Variants in DNAH9 observed in about 807,000 individuals in gnomAD.
The protein encoded by DNAH9 is DNAH9 variant protein.
DNAH9 carries 345 observed loss-of-function variants against 471.6 expected under a neutral mutation model. The observed-to-expected ratio is 0.73, with a 90% confidence interval of 0.67 to 0.80. The LOEUF (loss-of-function observed/expected upper bound fraction) is 0.80. Ranked by LOEUF, DNAH9 falls within the 30% of genes least tolerant of loss-of-function variation. DNAH9 has a pLI of 0.00. For missense variants in DNAH9, 5,407 were observed against 5,609.2 expected, an observed-to-expected ratio of 0.96 and a Z score of 1.15; for synonymous variants, 2,093 against 2,123.6, an observed-to-expected ratio of 0.99 and a Z score of 0.40.
rs565287502 is a variant in DNAH9, at chr17:11,648,084, A to G, written c.2097+886A>G. Among the ~76,000 whole-genome samples, 15 of 152,334 alleles carry G rather than the reference A, an allele frequency of 9.8e-5. 1 individual carries two copies. The South Asian group carries it at 3.1e-3, about 32-fold the overall frequency. On this transcript the variant is annotated intron_variant, in intron 12 of 68. Transcript: ENST00000262442. ...TTAATGCTGGAGAAAAATGATAACT[A>G]AAGGTTAGTTGGTTTCAAAAATAAT...
chr17:11,924,533 C>A (rs976427656), intron 62 of DNAH9, among the ~76,000 whole-genome samples: 10 of 151,824 alleles, frequency 6.6e-5, no homozygotes, highest in Non-Finnish European at 1.2e-4. Context: ...CTCTATTAAC[C>A]CCTATTAAAT....
intron 43 of DNAH9, among the ~76,000 whole-genome samples, chr17:11,806,159 A>T (rs997739481): frequency 6.6e-6 from 1 of 152,216 alleles, no homozygotes; most frequent in Non-Finnish European, 1.5e-5. Context: ...GACTTAACAC[A>T]TCCTAATTCA....
At chr17:11,904,516 C>A (rs1032418424) in intron 60 of DNAH9, among the ~76,000 whole-genome samples, 4 of 151,598 alleles carry the variant, frequency 2.6e-5, no homozygotes, top group African/African-American at 9.7e-5. Context: ...GTAGTCCCAG[C>A]TACTCAGGAG....
At chr17:11,909,508 C>A (rs1973718919) in intron 61 of DNAH9, among the ~76,000 whole-genome samples, 1 of 152,202 alleles carries the variant, frequency 6.6e-6, no homozygotes, top group African/African-American at 2.4e-5. Flanking sequence ...AAGACCCTGG[C>A]CTACGATTTC....
chr17:11,919,366 G>A (rs1382728561), intron 61 of DNAH9, among the ~76,000 whole-genome samples: 1 of 151,806 alleles, frequency 6.6e-6, no homozygotes, highest in African/African-American at 2.4e-5. Flanking sequence ...GTGGTGGCGG[G>A]CGCCTGTAGT....
chr17:11,769,533 T>C (rs1968114527), intron 38 of DNAH9, among the ~76,000 whole-genome samples: 1 of 152,188 alleles, frequency 6.6e-6, no homozygotes, highest in Non-Finnish European at 1.5e-5. Context: ...GCTTCTGGTC[T>C]TTCTTTCTAC....
At chr17:11,872,259 C>T (rs1374615073) in intron 52 of DNAH9, among the ~76,000 whole-genome samples, 1 of 152,104 alleles carries the variant, frequency 6.6e-6, no homozygotes, top group Non-Finnish European at 1.5e-5. Context: ...TTCCGTCCTG[C>T]ATAATCCCAT....
intron 64 of DNAH9, among the ~76,000 whole-genome samples, chr17:11,933,467 G>A (rs1478553691): frequency 3.3e-5 from 5 of 151,328 alleles, no homozygotes; most frequent in African/African-American, 9.7e-5. Flanking sequence ...CACAACCTCC[G>A]CCTCCCGGGT....
chr17:11,788,289 AAC>A (rs1261468556), intron 41 of DNAH9, among the ~76,000 whole-genome samples: 1 of 152,228 alleles, frequency 6.6e-6, no homozygotes, highest in African/African-American at 2.4e-5. Context: ...GGCTGCAATA[AAC>A]ATCTGGGTAG....
chr17:11,660,529 G>T (rs1250865386), intron 14 of DNAH9, among the ~76,000 whole-genome samples: 1 of 151,898 alleles, frequency 6.6e-6, no homozygotes, highest in Non-Finnish European at 1.5e-5. Flanking sequence ...TGCCCTGTTG[G>T]CCAGGCTGGT....
intron 6 of DNAH9, among the ~76,000 whole-genome samples, chr17:11,625,539 C>G (rs868301489): frequency 2.6e-4 from 39 of 152,340 alleles, no homozygotes; most frequent in Admixed American, 2.0e-3. Flanking sequence ...CTATGAACAT[C>G]TGCTTTGTGC....
chr17:11,721,620 G>GGAGA lies in DNAH9; in HGVS notation c.5709+2145_5709+2148dup, dbSNP rs146026495. Among the ~76,000 whole-genome samples the GGAGA allele has an allele frequency of 4.6e-5, 7 of 150,726 alleles. 1 individual carries two copies. Among genetic ancestry groups the GGAGA allele is most frequent in the Non-Finnish European group, 8.9e-5 (6 of 67,528 alleles). On this transcript the variant is annotated intron_variant, in intron 27 of 68. Transcript: ENST00000262442. ...AAACAGATCATATGGGGAGAGAGAG[G>GGAGA]GAGAGAGAGAGAGAGAGATGGATGG...
chr17:11,606,700 G>A (rs563941479), intron 1 of DNAH9, among the ~76,000 whole-genome samples: 5 of 151,680 alleles, frequency 3.3e-5, no homozygotes, highest in African/African-American at 7.3e-5. Context: ...TGCCCACCTC[G>A]GTATACTGAC....
At chr17:11,742,873 T>G (rs2075452396) in intron 30 of DNAH9, among the ~76,000 whole-genome samples, 1 of 152,240 alleles carries the variant, frequency 6.6e-6, no homozygotes, top group Admixed American at 6.5e-5. Context: ...TATCTTGTTT[T>G]GATCACCTTT....
intron 56 of DNAH9, among the ~76,000 whole-genome samples, chr17:11,886,279 G>A (rs1379911377): frequency 3.9e-5 from 6 of 152,140 alleles, no homozygotes; most frequent in Non-Finnish European, 7.3e-5. Context: ...AGCCAAGATC[G>A]TGCCATTGGA....
At position 11,851,001 on chromosome 17, in the gene DNAH9, G is replaced by C. The variant is rs191897734; in HGVS notation, c.9508-3002G>C. 1.2e-4 allele frequency among the ~76,000 whole-genome samples: 19 copies of C among 152,228 alleles called. No homozygotes were observed. The East Asian group carries it at 3.1e-3, about 25-fold the overall frequency. ...GAGAATCATTTCAGGTTCTCTGAAG[G>C]AAACCATCATGGCTCTAGGATGGGA... On this transcript the variant is annotated intron_variant, in intron 49 of 68. Transcript: ENST00000262442.
chr17:11,952,138 AC>A (rs1975389655), intron 67 of DNAH9, among the ~76,000 whole-genome samples: 2 of 80,222 alleles, frequency 2.5e-5, no homozygotes, highest in East Asian at 4.4e-4. Flanking sequence ...AAGCTATATT[AC>A]TTTTTTTTTT....
At chr17:11,680,051 G>T in intron 18 of DNAH9, 72 bp downstream of exon 18, 1 of 1,212,026 alleles carries the variant, frequency 8.3e-7, no homozygotes, top group Admixed American at 2.0e-5. Context: ...GGGGTAAAGT[G>T]GGGTACAGCA....
chr17:11,794,930 G>T (rs182893497), intron 42 of DNAH9, among the ~76,000 whole-genome samples: 8 of 136,802 alleles, frequency 5.8e-5, no homozygotes, highest in African/African-American at 2.1e-4. Context: ...GTTGTGGGGT[G>T]GGGGGAGGGA....
Sources: allele counts gnomAD v4.1 joint callset (sites outside exome capture counted in the v4.1 genomes callset), GRCh38; gene constraint gnomAD v4.1.1; transcripts MANE v1.5; gene names NCBI Gene and HGNC (gene_info 2026-07-23, HGNC 2026-07-21).